FHIP1A: variants seen among roughly 807,000 people sequenced by gnomAD.
FHIP1A encodes FHF complex subunit HOOK interacting protein 1A, also known as FHF complex subunit HOOK-interacting protein 1A.
A neutral mutation model predicts 88.6 loss-of-function variants in FHIP1A; 61 were observed. The observed-to-expected ratio is 0.69, with a 90% CI of 0.56 to 0.85. The LOEUF (loss-of-function observed/expected upper bound fraction) is 0.85, where lower values mean the gene tolerates loss of function less well. Ranked by LOEUF, FHIP1A falls within the 40% of genes least tolerant of loss-of-function variation. The probability of loss-of-function intolerance (pLI) is 0.00; values close to 1 mark genes in which losing one functional copy is unlikely to be tolerated. For missense variants in FHIP1A, 1,154 were observed against 1,273.5 expected (o/e 0.91, Z 1.43); for synonymous variants, 478 against 496.0 (o/e 0.96, Z 0.48).
At position 151,663,439 on chromosome 4, in the gene FHIP1A, C is replaced by T. The variant is rs1317338196; in HGVS notation, c.*685C>T. ...TTTCTTGAGAGCTTACTTTAATCAG[C>T]ATGACACTACCTAAACACTGAAGAT... On this transcript the variant is annotated 3_prime_UTR_variant, in exon 14 of 14. Transcript: ENST00000435205. 6.6e-6 allele frequency: 1 copy of T among 152,184 alleles called. No individual in the cohort carries two copies. 9.4% of individuals were successfully genotyped at this position (152,184 alleles called of 1,614,324 possible).
In FHIP1A at chr4:151,629,753, C is replaced by T. The variant is rs1049432601; in HGVS notation, c.1030C>T (p.Arg344Cys). 3.0e-5 allele frequency: 46 copies of T among 1,551,178 alleles called. No individual in the cohort carries two copies. Among genetic ancestry groups the T allele is most frequent in the Non-Finnish European group, 3.7e-5 (42 of 1,146,742 alleles). ...TTTAYLDLFL[R>C]SISEPALLEI... The stretch of plus-strand genomic sequence containing the variant: ...AACTGCATATCTGGACCTTTTCCTG[C>T]GTAGCATCTCCGAGCCAGCACTACT... Residue 344 changes from arginine (R) to cysteine (C), a missense_variant, in exon 8 of 14, where the codon CGT (arginine) becomes TGT (cysteine). Coordinates refer to ENST00000435205, the MANE Select transcript of FHIP1A (RefSeq NM_001109977.3).
chr4:151,447,415 A>T (rs1205955375), intron 1 of FHIP1A, among the ~76,000 whole-genome samples: 1 of 152,106 alleles, frequency 6.6e-6, no homozygotes, highest in East Asian at 1.9e-4. Context: ...ATGCATTTTC[A>T]TTTCACTTCT....
intron 2 of FHIP1A, among the ~76,000 whole-genome samples, chr4:151,480,826 T>TC (rs1354896227): frequency 6.6e-6 from 1 of 151,904 alleles, no homozygotes; most frequent in Non-Finnish European, 1.5e-5. Flanking sequence ...TCACACTGTG[T>TC]CCCCCCACCC....
At chr4:151,514,670 A>G (rs1292607122) in intron 3 of FHIP1A, among the ~76,000 whole-genome samples, 1 of 152,192 alleles carries the variant, frequency 6.6e-6, no homozygotes, top group Non-Finnish European at 1.5e-5. Context: ...AGAATACTAC[A>G]AACACCTCTA....
intron 3 of FHIP1A, among the ~76,000 whole-genome samples, chr4:151,564,399 T>C (rs192125754): frequency 1.3e-5 from 2 of 152,056 alleles, no homozygotes; most frequent in African/African-American, 4.8e-5. Context: ...TCTCTTATCA[T>C]TTAAAACAAG....
intron 3 of FHIP1A, among the ~76,000 whole-genome samples, chr4:151,548,636 A>T (rs1418908484): frequency 6.6e-6 from 1 of 152,132 alleles, no homozygotes. Context: ...AACTTACCCT[A>T]TATGGCCAGG....
chr4:151,632,799 T>C (rs1445925029), intron 8 of FHIP1A, among the ~76,000 whole-genome samples: 2 of 151,956 alleles, frequency 1.3e-5, no homozygotes, highest in Admixed American at 6.6e-5. Flanking sequence ...AAGCACAATA[T>C]ACCCAAACTT....
chr4:151,646,551 A>G lies in FHIP1A; in HGVS notation c.1227-7A>G, dbSNP rs955505269. On this transcript the variant is annotated splice_polypyrimidine_tract_variant and splice_region_variant and intron_variant, in intron 9 of 13. Coordinates refer to ENST00000435205, the MANE Select transcript of FHIP1A (RefSeq NM_001109977.3). ...AGACCAAACGCTTGTTCTTTTTGTC[A>G]TTCTAGGTATCTGATCCCCTGCAAT... 3.2e-6 allele frequency: 5 copies of G among 1,548,456 alleles called. No homozygotes were observed. In the African/African-American group the frequency reaches 6.9e-5, roughly 21 times the overall value.
intron 4 of FHIP1A, among the ~76,000 whole-genome samples, chr4:151,572,737 C>T (rs567374620): frequency 1.3e-5 from 2 of 152,278 alleles, no homozygotes; most frequent in East Asian, 3.9e-4. Flanking sequence ...GGGTTTTACA[C>T]ATATGACTTT....
At chr4:151,585,128 C>T (rs181714780) in intron 5 of FHIP1A, among the ~76,000 whole-genome samples, 10 of 152,100 alleles carry the variant, frequency 6.6e-5, no homozygotes, top group East Asian at 5.8e-4. Context: ...CCATCTCATT[C>T]GAGGCCATTG....
intron 1 of FHIP1A, among the ~76,000 whole-genome samples, chr4:151,417,728 G>A (rs1047682654): frequency 2.6e-5 from 4 of 152,136 alleles, no homozygotes; most frequent in Admixed American, 2.0e-4. Flanking sequence ...CACCACACCT[G>A]ACCATGTATT....
intron 3 of FHIP1A, among the ~76,000 whole-genome samples, chr4:151,529,663 C>A (rs1207456591): frequency 6.6e-6 from 1 of 152,096 alleles, no homozygotes. Context: ...AACCTGTGCC[C>A]TTTGTGGGGG....
At chr4:151,598,039 G>A (rs1187109434) in intron 7 of FHIP1A, among the ~76,000 whole-genome samples, 1 of 151,998 alleles carries the variant, frequency 6.6e-6, no homozygotes, top group African/African-American at 2.4e-5. Context: ...GGGAGTGAAC[G>A]GTTCTGTCTC....
chr4:151,514,138 G>A (rs1731138225), intron 3 of FHIP1A, among the ~76,000 whole-genome samples: 1 of 152,172 alleles, frequency 6.6e-6, no homozygotes, highest in Admixed American at 6.6e-5. Context: ...TAGAACTCAG[G>A]ATTAAGAAAC....
intron 3 of FHIP1A, among the ~76,000 whole-genome samples, chr4:151,494,917 C>G (rs958556833): frequency 6.6e-6 from 1 of 152,062 alleles, no homozygotes; most frequent in Non-Finnish European, 1.5e-5. Context: ...AGCTGTATTC[C>G]TAGGTATTTT....
chr4:151,469,354 A>C (rs544465423), intron 2 of FHIP1A, among the ~76,000 whole-genome samples: 1 of 152,332 alleles, frequency 6.6e-6, no homozygotes, highest in African/African-American at 2.4e-5. Context: ...CATCAACAAT[A>C]GTAATGCATT....
intron 1 of FHIP1A, among the ~76,000 whole-genome samples, chr4:151,428,419 C>T (rs1733466053): frequency 6.6e-6 from 1 of 152,042 alleles, no homozygotes; most frequent in Non-Finnish European, 1.5e-5. Flanking sequence ...CTTAATATTG[C>T]TCAAATTCAT....
intron 7 of FHIP1A, among the ~76,000 whole-genome samples, chr4:151,618,342 A>C (rs1735619501): frequency 6.6e-6 from 1 of 152,212 alleles, no homozygotes; most frequent in East Asian, 1.9e-4. Context: ...CAGAGAGGGT[A>C]GATCATCTAG....
intron 3 of FHIP1A, among the ~76,000 whole-genome samples, chr4:151,564,536 A>G (rs530439706): frequency 6.6e-6 from 1 of 152,338 alleles, no homozygotes; most frequent in Admixed American, 6.5e-5. Context: ...CAAATGTGGG[A>G]TAGCCACTCT....
Sources: allele counts gnomAD v4.1 joint callset (sites outside exome capture counted in the v4.1 genomes callset), GRCh38; gene constraint gnomAD v4.1.1; transcripts MANE v1.5; gene names NCBI Gene and HGNC (gene_info 2026-07-23, HGNC 2026-07-21).